The following GPATCH1 variants were observed in gnomAD, a reference collection of about 807,000 sequenced individuals.
GPATCH1 encodes G patch domain-containing protein 1.
A neutral mutation model predicts 114.9 loss-of-function variants in GPATCH1; 73 were observed. The ratio of observed to expected loss-of-function variants is 0.64; its 90% CI spans 0.53 to 0.77. The LOEUF is 0.77. Ranked by LOEUF, GPATCH1 falls within the 30% of genes least tolerant of loss-of-function variation. The pLI, the probability that GPATCH1 is intolerant of heterozygous loss-of-function variation, is 0.00. For missense variants in GPATCH1, 1,058 were observed against 1,144.3 expected, an observed-to-expected ratio of 0.92 and a Z score of 1.09; for synonymous variants, 391 against 428.4, an observed-to-expected ratio of 0.91 and a Z score of 1.08.
At chr19:33,087,591 C>T (rs1599849401) in intron 1 of GPATCH1, among the ~76,000 whole-genome samples, 1 of 152,044 alleles carries the variant, frequency 6.6e-6, no homozygotes, top group East Asian at 1.9e-4. Flanking sequence ...GGAAGTGTAT[C>T]TCTCCTTGCC....
At chr19:33,108,101 C>T (rs1030707058) in intron 10 of GPATCH1, among the ~76,000 whole-genome samples, 3 of 152,220 alleles carry the variant, frequency 2.0e-5, no homozygotes, top group Middle Eastern at 3.4e-3. Context: ...TCTACCCACA[C>T]GTGTGGGGGT....
rs1973093120 is a variant in GPATCH1 at position 33,130,429 on chromosome 19, A to G, written c.*269A>G. 1 of 354,544 alleles carries G rather than the reference A, an allele frequency of 2.8e-6. No homozygotes were observed. Among genetic ancestry groups the G allele is most frequent in the African/African-American group, 2.1e-5 (1 of 47,270 alleles). 22.0% of individuals were successfully genotyped at this position (354,544 alleles called of 1,614,324 possible). On this transcript the variant is annotated 3_prime_UTR_variant, in exon 20 of 20. Transcript: ENST00000170564. ...TCTATTTTCTTCTTGATTTTTAAAA[A>G]ATTTCCTGGGACGTTAAAAAAGAAG...
At chr19:33,092,796 CTTCCCAGCTTG>C (rs1315663306) in intron 3 of GPATCH1, among the ~76,000 whole-genome samples, 1 of 152,132 alleles carries the variant, frequency 6.6e-6, no homozygotes, top group African/African-American at 2.4e-5. Flanking sequence ...TACTTCCTGT[CTTCCCAGCTTG>C]GTCATGCTCG....
chr19:33,098,063 T>G (rs1972684118), intron 8 of GPATCH1, among the ~76,000 whole-genome samples, 161 bp downstream of exon 8: 1 of 152,074 alleles, frequency 6.6e-6, no homozygotes, highest in African/African-American at 2.4e-5. Context: ...GTGAAACAAA[T>G]GCAGGATTCA....
chr19:33,128,393 T>C (rs1236882271), intron 19 of GPATCH1, among the ~76,000 whole-genome samples: 1 of 152,200 alleles, frequency 6.6e-6, no homozygotes, highest in East Asian at 1.9e-4. Flanking sequence ...CCTGAGTAGC[T>C]GGGACTACAG....
intron 3 of GPATCH1, 68 bp from the exon 4 acceptor site, chr19:33,093,290 TA>T: frequency 9.8e-7 from 1 of 1,022,758 alleles, no homozygotes; most frequent in Non-Finnish European, 1.4e-6. Context: ...TTAACAGAAA[TA>T]AAACTATGTG....
intron 9 of GPATCH1, among the ~76,000 whole-genome samples, chr19:33,102,659 T>A (rs1015507481): frequency 9.2e-5 from 14 of 152,104 alleles, no homozygotes; most frequent in Non-Finnish European, 1.6e-4. Context: ...CCTCCCAAAG[T>A]GCTGGAATTA....
intron 15 of GPATCH1, among the ~76,000 whole-genome samples, chr19:33,117,475 T>TA (rs1169147594): frequency 1.3e-5 from 2 of 152,116 alleles, no homozygotes; most frequent in Non-Finnish European, 2.9e-5. Flanking sequence ...TTTGTACTTT[T>TA]AGTAGAGACA....
At chr19:33,102,272 T>G (rs1972735580) in intron 9 of GPATCH1, among the ~76,000 whole-genome samples, 2 of 151,046 alleles carry the variant, frequency 1.3e-5, no homozygotes, top group African/African-American at 4.9e-5. Context: ...GTGGCAGAGG[T>G]TGCAGCGAGC....
intron 17 of GPATCH1, 44 bp downstream of exon 17, chr19:33,119,161 GAT>G (rs777653570): frequency 9.3e-7 from 1 of 1,079,734 alleles, no homozygotes; most frequent in Non-Finnish European, 1.4e-6. Context: ...ATCAGTGTGT[GAT>G]TGCCCTGAGA....
chr19:33,090,892 A>G (rs761662926), intron 3 of GPATCH1, 27 bp downstream of exon 3: 18 of 1,439,544 alleles, frequency 1.3e-5, no homozygotes, highest in Admixed American at 3.4e-5. Context: ...TTAATTGCCA[A>G]TTAGCTGGTG....
rs1972933770 is a variant in GPATCH1, at chr19:33,117,874, C to T, written c.2246C>T (p.Pro749Leu). The change falls in exon 16 of 20, where the codon CCA (proline) becomes CTA (leucine). Residue 749 changes from proline to leucine, a missense_variant. Around this residue, in one of 3 missense-constraint regions of GPATCH1, gnomAD observed 893 missense variants for 977.4 expected, o/e 0.91. Coordinates refer to ENST00000170564, the MANE Select transcript of GPATCH1 (RefSeq NM_018025.3). ...DAQAEGEGSR[P>L]SMDLFRAIFA... is the part of the protein sequence containing the mutation. ...CAGGCTGAAGGAGAAGGGAGCCGCC[C>T]ATCCATGGACTTATTCAGGGCCATC... is the stretch of plus-strand genomic sequence containing the variant. 6.2e-7 allele frequency: 1 copy of T among 1,613,964 alleles called. No individual in the cohort carries two copies. The highest frequency in any genetic ancestry group is 8.5e-7 in the Non-Finnish European group (1 of 1,179,966).
At chr19:33,094,087 T>C in intron 4 of GPATCH1, 85 bp from the exon 5 acceptor site, 1 of 782,334 alleles carries the variant, frequency 1.3e-6, no homozygotes, top group Non-Finnish European at 2.3e-6. Context: ...GCCTAGGAAC[T>C]GAGCAGGAAC....
intron 15 of GPATCH1, among the ~76,000 whole-genome samples, chr19:33,114,968 T>C (rs1001536957): frequency 2.6e-5 from 4 of 151,540 alleles, no homozygotes; most frequent in African/African-American, 7.3e-5. Flanking sequence ...CCACCATGCC[T>C]GGCTAATTTT....
intron 10 of GPATCH1, among the ~76,000 whole-genome samples, 187 bp downstream of exon 10, chr19:33,107,086 T>G (rs1599859608): frequency 6.6e-6 from 1 of 152,162 alleles, no homozygotes; most frequent in Non-Finnish European, 1.5e-5. Context: ...TTTTTTAAGT[T>G]TTATTTTTAA....
At position 33,126,751 on chromosome 19, in the gene GPATCH1, G is replaced by C. The variant is rs1489990285; in HGVS notation, c.2765+18G>C. ...CTGAGACGGTGGGTAGTGGGAGATG[G>C]AGGGTTTTTCAGAAACCTTTAGAGG... is the stretch of plus-strand genomic sequence containing the variant. On this transcript the variant is annotated intron_variant, in intron 19 of 19. Transcript: ENST00000170564. The C allele has an allele frequency of 6.3e-7, 1 of 1,591,892 alleles. No homozygotes were observed. The highest frequency in any genetic ancestry group is 1.9e-5 in the Admixed American group (1 of 53,680).
chr19:33,115,950 CT>C (rs984154828), intron 15 of GPATCH1, among the ~76,000 whole-genome samples: 2 of 151,126 alleles, frequency 1.3e-5, no homozygotes, highest in East Asian at 1.9e-4. Flanking sequence ...TTTTTTGTTT[CT>C]TTTTTTCCCC....
intron 12 of GPATCH1, 63 bp from the exon 13 acceptor site, chr19:33,112,422 AT>A (rs1972866207): frequency 1.9e-6 from 3 of 1,578,912 alleles, no homozygotes; most frequent in Non-Finnish European, 2.6e-6. Flanking sequence ...AAAATTTTAA[AT>A]GGGAGAGCAG....
chr19:33,087,113 C>CAGAG (rs1239801575), intron 1 of GPATCH1, among the ~76,000 whole-genome samples: 2 of 152,136 alleles, frequency 1.3e-5, no homozygotes, highest in African/African-American at 2.4e-5. Flanking sequence ...AATTGAGGCA[C>CAGAG]AGAGAGTCAA....
Sources: allele counts gnomAD v4.1 joint callset (sites outside exome capture counted in the v4.1 genomes callset), GRCh38; gene constraint gnomAD v4.1.1; regional missense constraint gnomAD v4.1.1; transcripts MANE v1.5; gene names NCBI Gene and HGNC (gene_info 2026-07-23, HGNC 2026-07-21).